The following NUGGC variants were observed in gnomAD, a reference collection of about 807,000 sequenced individuals.
NUGGC encodes nuclear GTPase, germinal center associated.
In NUGGC, 58 loss-of-function variants were observed where a neutral mutation model predicts 92.6. That is an observed-to-expected ratio of 0.63 (90% CI 0.51 to 0.78). NUGGC has a LOEUF of 0.78. Ranked by LOEUF, NUGGC falls within the 30% of genes least tolerant of loss-of-function variation. The probability of loss-of-function intolerance (pLI) is 0.00; values close to 1 mark genes in which losing one functional copy is unlikely to be tolerated. For synonymous variants in NUGGC, 376 were observed against 366.4 expected (o/e 1.03, Z -0.30); for missense variants, 925 against 964.6 (o/e 0.96, Z 0.54).
At chr8:28,061,341 T>A (rs1454658185) in intron 7 of NUGGC, among the ~76,000 whole-genome samples, 2 of 152,240 alleles carry the variant, frequency 1.3e-5, no homozygotes, top group Non-Finnish European at 2.9e-5. Context: ...AATATGCAAC[T>A]TTCACATGAC....
chr8:28,070,439 A>C (rs1003646147), intron 2 of NUGGC, 83 bp from the exon 3 acceptor site: 1 of 733,214 alleles, frequency 1.4e-6, no homozygotes, highest in African/African-American at 1.8e-5. Context: ...TAGAAACTCA[A>C]AGGGTCTAAC....
intron 6 of NUGGC, 53 bp downstream of exon 6, chr8:28,067,461 T>G: frequency 8.5e-7 from 1 of 1,178,080 alleles, no homozygotes. Flanking sequence ...CAGGTTCAAC[T>G]GTTAGACTTG....
At chr8:28,051,390 CTG>C (rs1476712584) in intron 10 of NUGGC, among the ~76,000 whole-genome samples, 3 of 152,086 alleles carry the variant, frequency 2.0e-5, no homozygotes, top group African/African-American at 4.8e-5. Flanking sequence ...GATCCTAAAA[CTG>C]AGTAAATAAA....
chr8:28,081,449 A>G (rs1810847187), intron 1 of NUGGC, among the ~76,000 whole-genome samples: 1 of 152,252 alleles, frequency 6.6e-6, no homozygotes, highest in Non-Finnish European at 1.5e-5. Flanking sequence ...TAGTTAAACT[A>G]GAAATCAGTA....
intron 8 of NUGGC, 59 bp downstream of exon 8, chr8:28,060,367 G>T: frequency 6.7e-7 from 1 of 1,501,274 alleles, no homozygotes; most frequent in South Asian, 1.2e-5. Context: ...ACTGTAGTCA[G>T]GACCCACAGA....
At chr8:28,042,474 G>A (rs1011512441) in intron 12 of NUGGC, among the ~76,000 whole-genome samples, 2 of 152,190 alleles carry the variant, frequency 1.3e-5, no homozygotes, top group Non-Finnish European at 2.9e-5. Flanking sequence ...TGCCCTCTGG[G>A]CCTTGCTGAT....
chr8:28,079,744 G>A (rs982807261), intron 1 of NUGGC, among the ~76,000 whole-genome samples: 2 of 152,154 alleles, frequency 1.3e-5, no homozygotes, highest in Non-Finnish European at 2.9e-5. Flanking sequence ...CTCAGGCATA[G>A]GGCAATGGAA....
chr8:28,033,499 C>T (rs376716410), intron 14 of NUGGC, 41 bp downstream of exon 14: 40 of 1,586,522 alleles, frequency 2.5e-5, no homozygotes, highest in Admixed American at 2.1e-4. Flanking sequence ...CACATTCTTC[C>T]GATGTTTGTT....
chr8:28,069,345 GACATATATAA>G (rs1563230624), intron 4 of NUGGC, among the ~76,000 whole-genome samples, 189 bp downstream of exon 4: 1 of 152,130 alleles, frequency 6.6e-6, no homozygotes, highest in African/African-American at 2.4e-5. Flanking sequence ...AATGATATTT[GACATATATAA>G]AGCACTTAGC....
rs760189625 is a variant in NUGGC, at chr8:28,064,730, G to T, written c.713C>A (p.Ala238Glu). 21 of 1,613,078 alleles carry T rather than the reference G, an allele frequency of 1.3e-5. No individual in the cohort carries two copies. The East Asian group carries it at 4.2e-4, about 33-fold the overall frequency. The change falls in exon 7 of 19, where the codon GCA (alanine) becomes GAA (glutamate). Residue 238 changes from alanine (A) to glutamate (E), a missense_variant and splice_region_variant. Coordinates refer to ENST00000413272, the MANE Select transcript of NUGGC (RefSeq NM_001010906.2). The stretch of plus-strand genomic sequence containing the variant: ...GTCCAGCTTGATGGACAGCTCTTCT[G>T]CCTGAAGAAGGAGGACAGAGTCACA... ...SRVITLKAEEAEELSIKLDPY... is the reference protein window; with the variant it reads ...SRVITLKAEEEEELSIKLDPY...
In NUGGC at chr8:28,032,676, C is replaced by A. The variant is rs1445215458; in HGVS notation, c.1769+864G>T. On this transcript the variant is annotated intron_variant, in intron 14 of 18. Transcript: ENST00000413272. ...GAGCTTCCAATGAGCTGAGATCGCG[C>A]CACTGCACCACTCCAGCCTGGGCGA... is the stretch of plus-strand genomic sequence containing the variant. Among the ~76,000 whole-genome samples, 10 of 150,666 alleles carry A rather than the reference C, an allele frequency of 6.6e-5. No homozygotes were observed. The East Asian group carries it at 2.0e-3, about 30-fold the overall frequency.
chr8:28,037,092 C>G (rs905611945), intron 13 of NUGGC, among the ~76,000 whole-genome samples: 1 of 152,140 alleles, frequency 6.6e-6, no homozygotes. Flanking sequence ...AAACTGTCTA[C>G]GATTCCTCGT....
At chr8:28,041,308 A>G (rs1054245058) in intron 12 of NUGGC, 93 bp from the exon 13 acceptor site, 4 of 1,262,158 alleles carry the variant, frequency 3.2e-6, no homozygotes, top group African/African-American at 1.5e-5. Flanking sequence ...TCACCAGCTC[A>G]AGATTCAGCT....
rs956021851 is a variant in NUGGC at position 28,047,389 on chromosome 8, C to A, written c.1312+118G>T. ...CCTTATTTGCAATTGGTATTGAAAC[C>A]ATGGCAAGCTGGAAAAAAATTGTTT... On this transcript the variant is annotated intron_variant, in intron 11 of 18. Coordinates refer to ENST00000413272, the MANE Select transcript of NUGGC (RefSeq NM_001010906.2). 5.4e-5 allele frequency: 34 copies of A among 631,854 alleles called. 1 individual carries two copies. In the African/African-American group the frequency reaches 5.9e-4, roughly 11 times the overall value. The allele number at this position is 631,854 out of a possible 1,614,324, so 39.1% of individuals were successfully genotyped here.
intron 5 of NUGGC, 61 bp from the exon 6 acceptor site, chr8:28,067,805 A>G: frequency 7.5e-7 from 1 of 1,339,440 alleles, no homozygotes; most frequent in Non-Finnish European, 1.1e-6. Flanking sequence ...ACCGACAAAC[A>G]GAGGGGCCCA....
chr8:28,033,724 A>T (rs746470835), intron 13 of NUGGC, 27 bp from the exon 14 acceptor site: 1 of 1,609,126 alleles, frequency 6.2e-7, no homozygotes, highest in Non-Finnish European at 8.5e-7. Context: ...AAATTAGCAG[A>T]GTTAGGCATT....
chr8:28,063,873 C>A (rs999962619), intron 7 of NUGGC, among the ~76,000 whole-genome samples: 2 of 152,202 alleles, frequency 1.3e-5, no homozygotes, highest in Non-Finnish European at 2.9e-5. Flanking sequence ...TCCTGGGCTC[C>A]TGTGTTCCTC....
At chr8:28,053,094 A>T (rs905122402) in intron 10 of NUGGC, among the ~76,000 whole-genome samples, 1 of 152,170 alleles carries the variant, frequency 6.6e-6, no homozygotes, top group Non-Finnish European at 1.5e-5. Flanking sequence ...CCAGCCAAAA[A>T]AAAAAGTGAT....
chr8:28,039,541 C>CTT (rs1809640367), intron 13 of NUGGC, among the ~76,000 whole-genome samples: 1 of 152,156 alleles, frequency 6.6e-6, no homozygotes, highest in Non-Finnish European at 1.5e-5. Context: ...CTCATCTAGA[C>CTT]ATTTAAACAA....
Sources: allele counts gnomAD v4.1 joint callset (sites outside exome capture counted in the v4.1 genomes callset), GRCh38; gene constraint gnomAD v4.1.1; transcripts MANE v1.5; gene names NCBI Gene and HGNC (gene_info 2026-07-23, HGNC 2026-07-21).